Variants in PDE4D observed in about 807,000 individuals in gnomAD.
The protein encoded by PDE4D is phosphodiesterase 4D, also known as 3',5'-cyclic-AMP phosphodiesterase 4D.
A neutral mutation model predicts 87.4 loss-of-function variants in PDE4D; 24 were observed. The ratio of observed to expected loss-of-function variants is 0.27; its 90% CI spans 0.20 to 0.39. The LOEUF (loss-of-function observed/expected upper bound fraction) is 0.39, where lower values mean the gene tolerates loss of function less well. Among genes scored for constraint, PDE4D ranks in the 10% least tolerant of loss-of-function variants. The probability of loss-of-function intolerance (pLI) is 1.00; values close to 1 mark genes in which losing one functional copy is unlikely to be tolerated. For missense variants in PDE4D, 714 were observed against 1,041.0 expected (o/e 0.69, Z 4.32); for synonymous variants, 384 against 383.2 (o/e 1.00, Z -0.02).
intron 1 of PDE4D, among the ~76,000 whole-genome samples, chr5:60,205,031 G>T (rs997993346): frequency 6.6e-6 from 1 of 151,982 alleles, no homozygotes; most frequent in Admixed American, 6.5e-5. Context: ...TTGTAGCCAC[G>T]TGTGCCCCGT....
At chr5:59,270,776 T>G (rs1030074634) in intron 1 of PDE4D, among the ~76,000 whole-genome samples, 1 of 152,120 alleles carries the variant, frequency 6.6e-6, no homozygotes, top group African/African-American at 2.4e-5. Flanking sequence ...AAAAAGATAA[T>G]TATATCCACA....
intron 1 of PDE4D, among the ~76,000 whole-genome samples, chr5:59,375,280 T>A (rs1784526171): frequency 6.6e-6 from 1 of 151,910 alleles, no homozygotes; most frequent in Non-Finnish European, 1.5e-5. Flanking sequence ...ATAAACTACA[T>A]AGACCACCAG....
chr5:59,746,794 G>T (rs56968547), intron 1 of PDE4D, among the ~76,000 whole-genome samples: 5,025 of 151,580 alleles, frequency 0.033, 295 homozygotes, highest in African/African-American at 0.12. Flanking sequence ...GCCCTCTGAT[G>T]CAGTGGCTAT....
chr5:59,691,078 C>G (rs1226962141), intron 1 of PDE4D, among the ~76,000 whole-genome samples: 1 of 152,158 alleles, frequency 6.6e-6, no homozygotes, highest in Non-Finnish European at 1.5e-5. Flanking sequence ...ACAACAGGTG[C>G]TAGAGAGGAT....
At chr5:59,607,949 G>A (rs995244442) in intron 1 of PDE4D, among the ~76,000 whole-genome samples, 2 of 152,086 alleles carry the variant, frequency 1.3e-5, no homozygotes, top group Non-Finnish European at 2.9e-5. Context: ...GTAGGGAAGA[G>A]TGCCTAGTTT....
At chr5:59,809,385 TA>T (rs1378546203) in intron 1 of PDE4D, among the ~76,000 whole-genome samples, 2 of 152,182 alleles carry the variant, frequency 1.3e-5, no homozygotes. Flanking sequence ...TGAGAAAACT[TA>T]AATCTTACCC....
At chr5:59,825,653 GC>G (rs1405516140) in intron 1 of PDE4D, among the ~76,000 whole-genome samples, 1 of 152,176 alleles carries the variant, frequency 6.6e-6, no homozygotes, top group East Asian at 1.9e-4. Context: ...TGTGTCCGTT[GC>G]CCTGTATCCA....
chr5:58,997,969 AGGT>A (rs1299914768), intron 6 of PDE4D, among the ~76,000 whole-genome samples: 1 of 152,078 alleles, frequency 6.6e-6, no homozygotes. Flanking sequence ...ATATTTAAGG[AGGT>A]GGTATGGGTC....
At chr5:59,715,622 G>T (rs1053581888) in intron 1 of PDE4D, among the ~76,000 whole-genome samples, 2 of 152,204 alleles carry the variant, frequency 1.3e-5, no homozygotes, top group Non-Finnish European at 2.9e-5. Context: ...TTAACCTTGT[G>T]GTTAGGCACC....
rs116761461 is a variant in PDE4D at position 60,164,608 on chromosome 5, T to C, written c.42+20949A>G. On this transcript the variant is annotated intron_variant, in intron 2 of 16. Transcript: ENST00000502484. ...AAATATGTTGATTACTGAGTAAACATACTAAATGTTAAAAAATGAAAACTT... is the reference window on the plus strand; with the variant it reads ...AAATATGTTGATTACTGAGTAAACACACTAAATGTTAAAAAATGAAAACTT... Among the ~76,000 whole-genome samples the C allele has an allele frequency of 8.1e-3, 1,234 of 152,312 alleles. 14 individuals carry two copies. The highest frequency in any genetic ancestry group is 0.028 in the African/African-American group (1,174 of 41,564).
intron 1 of PDE4D, among the ~76,000 whole-genome samples, chr5:59,859,745 C>T (rs1447293391): frequency 6.6e-6 from 1 of 152,118 alleles, no homozygotes; most frequent in East Asian, 1.9e-4. Context: ...TGAGATTCTA[C>T]ACAAGTGAGG....
intron 3 of PDE4D, among the ~76,000 whole-genome samples, chr5:59,191,793 A>G (rs143768418): frequency 6.6e-6 from 1 of 151,794 alleles, no homozygotes; most frequent in Non-Finnish European, 1.5e-5. Flanking sequence ...CTGGTCTCGA[A>G]CTCCTGACCT....
intron 3 of PDE4D, among the ~76,000 whole-genome samples, chr5:59,189,050 G>T (rs1048139925): frequency 2.0e-5 from 3 of 152,106 alleles, no homozygotes; most frequent in East Asian, 3.9e-4. Context: ...CCACAAGATC[G>T]TTGCTGCTGG....
At chr5:59,006,926 G>A (rs1245993570) in intron 6 of PDE4D, among the ~76,000 whole-genome samples, 1 of 152,132 alleles carries the variant, frequency 6.6e-6, no homozygotes, top group South Asian at 2.1e-4. Flanking sequence ...TCTTGCTCAA[G>A]GTCACAAAGC....
chr5:58,978,038 C>T (rs908321788), intron 11 of PDE4D, among the ~76,000 whole-genome samples: 1 of 152,164 alleles, frequency 6.6e-6, no homozygotes, highest in Non-Finnish European at 1.5e-5. Flanking sequence ...TGCCCTAGAC[C>T]TGTGAATTTT....
chr5:59,523,981 A>G (rs1812655162), intron 1 of PDE4D, among the ~76,000 whole-genome samples: 2 of 152,206 alleles, frequency 1.3e-5, no homozygotes, highest in African/African-American at 4.8e-5. Flanking sequence ...AGTCATGTGG[A>G]ACTGTAAGTC....
At chr5:59,027,553 G>A (rs1756471015) in intron 6 of PDE4D, among the ~76,000 whole-genome samples, 1 of 151,890 alleles carries the variant, frequency 6.6e-6, no homozygotes, top group Admixed American at 6.6e-5. Context: ...TATCAATATG[G>A]GTTTATGGAT....
At chr5:59,998,316 C>A (rs952395943) in intron 2 of PDE4D, among the ~76,000 whole-genome samples, 9 of 152,006 alleles carry the variant, frequency 5.9e-5, no homozygotes, top group African/African-American at 2.2e-4. Flanking sequence ...TGATTACAAC[C>A]TAGTTTAATG....
chr5:59,311,359 G>C (rs1227472102), intron 1 of PDE4D, among the ~76,000 whole-genome samples: 1 of 151,722 alleles, frequency 6.6e-6, no homozygotes, highest in South Asian at 2.1e-4. Flanking sequence ...AAATTAGCTG[G>C]GCTTGGTGGT....
Sources: gnomAD v4.1 joint callset for allele counts (sites outside exome capture counted in the v4.1 genomes callset) on GRCh38, gnomAD v4.1.1 for gene constraint, MANE v1.5 for transcripts, NCBI Gene and HGNC (gene_info 2026-07-23, HGNC 2026-07-21) for gene names.